Variants in TFB1M observed in about 807,000 individuals in gnomAD.
TFB1M encodes the protein transcription factor B1, mitochondrial.
TFB1M carries 27 observed loss-of-function variants against 31.1 expected under a neutral mutation model. The ratio of observed to expected loss-of-function variants is 0.87; its 90% confidence interval spans 0.64 to 1.20. TFB1M has a LOEUF of 1.20. TFB1M is among the 50% of genes most tolerant of loss of function. TFB1M has a pLI of 0.00. For synonymous variants in TFB1M, 166 were observed against 151.8 expected (o/e 1.09, Z -0.69); for missense variants, 394 against 418.7 (o/e 0.94, Z 0.51).
chr6:155,251,740 T>C (rs1783667343), downstream of TFB1M, among the ~76,000 whole-genome samples: 1 of 152,222 alleles, frequency 6.6e-6, no homozygotes, highest in Admixed American at 6.5e-5. Context: ...CAACTTCTAA[T>C]AGTAGCTTTT....
In TFB1M at chr6:155,258,023, T is replaced by C; in HGVS notation, c.854A>G (p.Asp285Gly). The C allele has an allele frequency of 1.2e-6, 2 of 1,614,238 alleles. No individual in the cohort carries two copies. Among genetic ancestry groups the C allele is most frequent in the Non-Finnish European group, 1.7e-6 (2 of 1,180,030 alleles). Residue 285 changes from aspartate (D) to glycine (G), a missense_variant, in exon 7 of 7, where the codon GAC becomes GGC. Asp to Gly is a moderately conservative substitution (Grantham distance 94). This residue lies in a region of TFB1M where 115 missense variants were observed against 144.1 expected (regional missense o/e 0.80). Coordinates refer to ENST00000367166, the MANE Select transcript of TFB1M (RefSeq NM_016020.4). Reference sequence around the variant, plus strand: ...GCGGGGCCGAAGAGTAGGGTCTATGTCTGCCAACTCTAACAGCCTGCCCGT... The same window carrying C: ...GCGGGGCCGAAGAGTAGGGTCTATGCCTGCCAACTCTAACAGCCTGCCCGT... ...ESTGRLLELA[D>G]IDPTLRPRQL... is the part of the protein sequence containing the mutation.
intron 5 of TFB1M, among the ~76,000 whole-genome samples, chr6:155,265,619 C>A (rs1784592201): frequency 1.3e-5 from 2 of 148,502 alleles, no homozygotes; most frequent in Non-Finnish European, 1.5e-5. Context: ...GAATGGAAAG[C>A]AAAGAAGAAA....
At chr6:155,293,712 T>A (rs1175510102) in intron 4 of TFB1M, among the ~76,000 whole-genome samples, 2 of 152,218 alleles carry the variant, frequency 1.3e-5, no homozygotes, top group East Asian at 3.8e-4. Flanking sequence ...TATATGTCTC[T>A]CATTTTTTCT....
At chr6:155,241,428 G>T in the TFB1M span, among the ~76,000 whole-genome samples, 3 of 152,106 alleles carry the variant, frequency 2.0e-5, no homozygotes, top group Admixed American at 2.0e-4. Context: ...GTCCAGGCCC[G>T]GCTTTGCCTC....
chr6:155,303,172 A>G (rs950021270), intron 2 of TFB1M: 1 of 152,242 alleles, frequency 6.6e-6, no homozygotes, highest in African/African-American at 2.4e-5. Flanking sequence ...TACACAACGT[A>G]CAGGTATGCC....
Position 155,298,580 on chromosome 6 carries a change from A to G in TFB1M, c.291T>C (p.Leu97=). 6.2e-7 allele frequency: 1 copy of G among 1,604,634 alleles called. No individual in the cohort carries two copies. The highest frequency in any genetic ancestry group is 8.5e-7 in the Non-Finnish European group (1 of 1,171,618). Residue 97 remains leucine, a synonymous_variant, in exon 3 of 7, where the codon CTT becomes CTC. Coordinates refer to ENST00000367166, the MANE Select transcript of TFB1M (RefSeq NM_016020.4). The stretch of plus-strand genomic sequence containing the variant: ...TCAGTTTCCCAGGTGCTGCATCAGA[A>G]AGCATCTAGTTTATAAAAAGATCAG... ...DTRFIPGLQM[L]SDAAPGKLRI...
chr6:155,256,539 T>G lies in TFB1M; in HGVS notation c.*1297A>C, dbSNP rs1308734622. ...ATTCCTCCAGCAACGAGTGGACCGG[T>G]GAGACTGGCAAGGGAACCTTGCTGG... is the stretch of plus-strand genomic sequence containing the variant. On this transcript the variant is annotated 3_prime_UTR_variant, in exon 7 of 7. Coordinates refer to ENST00000367166, the MANE Select transcript of TFB1M (RefSeq NM_016020.4). The G allele has an allele frequency of 6.2e-7, 1 of 1,614,188 alleles. No individual in the cohort carries two copies. The highest frequency in any genetic ancestry group is 1.1e-5 in the South Asian group (1 of 91,080).
At chr6:155,253,074 G>A (rs753256235), downstream of TFB1M, 17 of 1,593,560 alleles carry the variant, frequency 1.1e-5, no homozygotes, top group Admixed American at 1.7e-5. Flanking sequence ...CGTGCAGTAT[G>A]ATGCCAGAAA....
At chr6:155,275,062 C>CA (rs748259610) in intron 5 of TFB1M, among the ~76,000 whole-genome samples, 248 of 133,434 alleles carry the variant, frequency 1.9e-3, no homozygotes, top group Middle Eastern at 3.9e-3. Context: ...ACTAAAAATA[C>CA]AAAAAAAAAA....
At chr6:155,297,889 A>C (rs162971) in intron 3 of TFB1M, among the ~76,000 whole-genome samples, 1 of 152,104 alleles carries the variant, frequency 6.6e-6, no homozygotes, top group African/African-American at 2.4e-5. Flanking sequence ...GTGCGGCCCA[A>C]CTGAAGGAGT....
chr6:155,250,015 G>C, the TFB1M span: 1 of 1,455,708 alleles, frequency 6.9e-7, no homozygotes, highest in East Asian at 2.3e-5. Context: ...ATGTGGTGTG[G>C]GGTCTGTAGG....
intron 5 of TFB1M, among the ~76,000 whole-genome samples, chr6:155,261,871 C>T (rs1583308486): frequency 1.3e-5 from 2 of 152,194 alleles, no homozygotes; most frequent in East Asian, 3.8e-4. Flanking sequence ...CTTGTGAAGT[C>T]CAGCAGGCTG....
chr6:155,303,578 T>C (rs997734839), intron 2 of TFB1M: 22 of 152,226 alleles, frequency 1.4e-4, no homozygotes, highest in African/African-American at 5.3e-4. Flanking sequence ...GTAAGTTACA[T>C]GTGTAAAGTA....
the TFB1M span, among the ~76,000 whole-genome samples, chr6:155,241,946 TGA>T: frequency 2.0e-5 from 3 of 152,200 alleles, no homozygotes; most frequent in African/African-American, 7.2e-5. Context: ...AGGGCAGAGT[TGA>T]GAGGAGAATC....
At chr6:155,267,274 C>A (rs186676829) in intron 5 of TFB1M, among the ~76,000 whole-genome samples, 1 of 152,176 alleles carries the variant, frequency 6.6e-6, no homozygotes, top group Non-Finnish European at 1.5e-5. Context: ...CACACCTGGC[C>A]GTAGAATATG....
At chr6:155,266,961 C>G (rs1189107951) in intron 5 of TFB1M, among the ~76,000 whole-genome samples, 1 of 140,932 alleles carries the variant, frequency 7.1e-6, no homozygotes, top group Non-Finnish European at 1.5e-5. Context: ...CTCTAGAATA[C>G]TTTGCTGCCT....
chr6:155,288,707 C>T (rs1776774071), intron 4 of TFB1M, among the ~76,000 whole-genome samples: 1 of 152,094 alleles, frequency 6.6e-6, no homozygotes, highest in South Asian at 2.1e-4. Context: ...TGAAAACATG[C>T]GAATCATATA....
intron 5 of TFB1M, among the ~76,000 whole-genome samples, chr6:155,283,765 A>G (rs1038194047): frequency 6.6e-6 from 1 of 152,278 alleles, no homozygotes; most frequent in Non-Finnish European, 1.5e-5. Flanking sequence ...TTTTGATATA[A>G]TGAGTCTTAC....
intron 2 of TFB1M, among the ~76,000 whole-genome samples, chr6:155,307,911 A>G (rs1777856702): frequency 8.4e-6 from 1 of 119,442 alleles, no homozygotes; most frequent in African/African-American, 3.8e-5. Flanking sequence ...AATAAACAGA[A>G]AAAAAAAAAA....
Sources: gnomAD v4.1 joint callset for allele counts (sites outside exome capture counted in the v4.1 genomes callset) on GRCh38, gnomAD v4.1.1 for gene constraint, gnomAD v4.1.1 regional missense constraint, MANE v1.5 for transcripts, NCBI Gene and HGNC (gene_info 2026-07-23, HGNC 2026-07-21) for gene names.